ZNF385D: variants seen among roughly 807,000 people sequenced by gnomAD.
The protein encoded by ZNF385D is zinc finger protein 659.
In ZNF385D, 15 loss-of-function variants were observed where a neutral mutation model predicts 35.8. The ratio of observed to expected loss-of-function variants is 0.42; its 90% CI spans 0.28 to 0.64. The LOEUF (loss-of-function observed/expected upper bound fraction) is 0.64. ZNF385D is among the 30% of genes least tolerant of loss of function. ZNF385D has a pLI of 0.23. For synonymous variants in ZNF385D, 212 were observed against 186.8 expected (o/e 1.13, Z -1.10); for missense variants, 474 against 494.6 (o/e 0.96, Z 0.39).
chr3:21,483,176 C>G (rs933747814), intron 4 of ZNF385D, among the ~76,000 whole-genome samples: 1 of 152,124 alleles, frequency 6.6e-6, no homozygotes, highest in South Asian at 2.1e-4. Context: ...AACCCTAAAT[C>G]CTGGGAACTA....
intron 3 of ZNF385D, among the ~76,000 whole-genome samples, chr3:22,123,581 C>T (rs905907711): frequency 7.2e-5 from 11 of 152,208 alleles, no homozygotes; most frequent in Admixed American, 2.0e-4. Flanking sequence ...CTGACTGGGC[C>T]GGGCGCGGTG....
At chr3:21,443,353 T>C (rs1453431464) in intron 4 of ZNF385D, 2 of 985,234 alleles carry the variant, frequency 2.0e-6, no homozygotes, top group Non-Finnish European at 2.4e-6. Flanking sequence ...TAGGCGAAAC[T>C]TGATACATAT....
chr3:21,584,066 C>T (rs1238562156), intron 2 of ZNF385D, among the ~76,000 whole-genome samples: 2 of 151,784 alleles, frequency 1.3e-5, no homozygotes, highest in Non-Finnish European at 1.5e-5. Context: ...CTCCACCTCC[C>T]GGGCTCAAGC....
intron 3 of ZNF385D, among the ~76,000 whole-genome samples, chr3:21,881,709 A>G (rs1698284359): frequency 6.6e-6 from 1 of 152,012 alleles, no homozygotes; most frequent in South Asian, 2.1e-4. Context: ...GACTCCTCTG[A>G]TGGATCTGGG....
intron 1 of ZNF385D, among the ~76,000 whole-genome samples, chr3:21,690,845 T>A (rs2067258919): frequency 6.6e-6 from 1 of 152,310 alleles, no homozygotes; most frequent in Non-Finnish European, 1.5e-5. Flanking sequence ...ACATTAAAGT[T>A]TGGGACCACG....
intron 1 of ZNF385D, among the ~76,000 whole-genome samples, chr3:21,677,293 A>C (rs182638159): frequency 6.6e-6 from 1 of 152,174 alleles, no homozygotes; most frequent in Admixed American, 6.6e-5. Context: ...GCCAAGGTTA[A>C]TGAGAAAACA....
At chr3:21,617,598 A>G (rs961150766) in intron 2 of ZNF385D, among the ~76,000 whole-genome samples, 13 of 152,194 alleles carry the variant, frequency 8.5e-5, no homozygotes, top group African/African-American at 3.1e-4. Flanking sequence ...AACCCAACAC[A>G]TGAAGTTAAG....
intron 2 of ZNF385D, among the ~76,000 whole-genome samples, chr3:22,228,523 G>C (rs1209530378): frequency 6.6e-6 from 1 of 152,158 alleles, no homozygotes; most frequent in African/African-American, 2.4e-5. Flanking sequence ...GGTAATCCAG[G>C]GAATAAAAGC....
chr3:22,097,169 G>A (rs1213918054), intron 3 of ZNF385D, among the ~76,000 whole-genome samples: 1 of 152,120 alleles, frequency 6.6e-6, no homozygotes, highest in African/African-American at 2.4e-5. Context: ...TGCGCTTGCA[G>A]AATCCTTTCT....
chr3:21,788,222 T>G (rs2071782443), intron 3 of ZNF385D, among the ~76,000 whole-genome samples: 1 of 152,208 alleles, frequency 6.6e-6, no homozygotes, highest in African/African-American at 2.4e-5. Flanking sequence ...CTCACGCCTG[T>G]TATCTCAGCA....
intron 2 of ZNF385D, among the ~76,000 whole-genome samples, chr3:21,615,070 C>T (rs1053382326): frequency 6.6e-6 from 1 of 152,104 alleles, no homozygotes; most frequent in African/African-American, 2.4e-5. Flanking sequence ...GGATATTTGC[C>T]CCCCTCCAAA....
intron 3 of ZNF385D, among the ~76,000 whole-genome samples, chr3:21,970,338 T>A (rs1394940963): frequency 1.3e-5 from 2 of 151,934 alleles, no homozygotes; most frequent in African/African-American, 4.8e-5. Flanking sequence ...GAATTCAGAA[T>A]CCTATTAGAT....
At position 21,798,576 on chromosome 3, in the gene ZNF385D, A is replaced by C. The variant is rs373599644; in HGVS notation, c.326-133548T>G. Among the ~76,000 whole-genome samples, 11 of 152,268 alleles carry C rather than the reference A, an allele frequency of 7.2e-5. 1 individual carries two copies. The East Asian group carries it at 7.7e-4, about 11-fold the overall frequency. On this transcript the variant is annotated intron_variant, in intron 3 of 5. Transcript: ENST00000494108. ...CTAATTAGGTCAGTCCCACCAGGAT[A>C]ATCTCCTTTTTGATTAACTCAGCGT... is the stretch of plus-strand genomic sequence containing the variant.
chr3:22,043,664 C>T (rs972211815), intron 3 of ZNF385D, among the ~76,000 whole-genome samples: 3 of 124,654 alleles, frequency 2.4e-5, no homozygotes, highest in Non-Finnish European at 3.6e-5. Flanking sequence ...AGATGCCCCA[C>T]CAGTGACCCT....
intron 3 of ZNF385D, among the ~76,000 whole-genome samples, chr3:21,828,082 TATGTC>T (rs1284341284): frequency 6.6e-6 from 1 of 152,220 alleles, no homozygotes; most frequent in Non-Finnish European, 1.5e-5. Flanking sequence ...ATGGGAATAT[TATGTC>T]TGTAAGCATA....
At chr3:21,543,732 GTTTC>G (rs999817722) in intron 3 of ZNF385D, among the ~76,000 whole-genome samples, 1 of 152,168 alleles carries the variant, frequency 6.6e-6, no homozygotes, top group Non-Finnish European at 1.5e-5. Flanking sequence ...AACTTTTAAA[GTTTC>G]TTTTTTTCTT....
At chr3:21,789,431 T>C (rs572291305) in intron 3 of ZNF385D, among the ~76,000 whole-genome samples, 9 of 152,216 alleles carry the variant, frequency 5.9e-5, no homozygotes, top group Admixed American at 3.3e-4. Flanking sequence ...GGTTTTGTTG[T>C]TGTTGCTCTA....
intron 2 of ZNF385D, among the ~76,000 whole-genome samples, chr3:22,361,529 A>T (rs1696407811): frequency 6.6e-6 from 1 of 152,158 alleles, no homozygotes; most frequent in East Asian, 1.9e-4. Flanking sequence ...CTTGGAGTAC[A>T]TTTTGAAGCA....
At chr3:22,367,541 C>G (rs1297365329) in intron 2 of ZNF385D, among the ~76,000 whole-genome samples, 2 of 152,094 alleles carry the variant, frequency 1.3e-5, no homozygotes, top group Non-Finnish European at 2.9e-5. Flanking sequence ...CTTTAGGAAA[C>G]TGAGACACCT....
Sources: gnomAD v4.1 joint callset for allele counts (sites outside exome capture counted in the v4.1 genomes callset) on GRCh38, gnomAD v4.1.1 for gene constraint, MANE v1.5 for transcripts, NCBI Gene and HGNC (gene_info 2026-07-23, HGNC 2026-07-21) for gene names.